TTC28: variants seen among roughly 807,000 people sequenced by gnomAD.
TTC28 encodes the protein tetratricopeptide repeat domain 28.
Under a neutral mutation model 198.0 loss-of-function variants are expected in TTC28, and 61 were observed. That is an observed-to-expected ratio of 0.31 (90% CI 0.25 to 0.38). TTC28 has a LOEUF of 0.38. TTC28 is among the 10% of genes least tolerant of loss of function. The pLI is 1.00. For synonymous variants in TTC28, 1,171 were observed against 1,297.8 expected (o/e 0.90, Z 2.10); for missense variants, 2,678 against 3,164.0 (o/e 0.85, Z 3.69).
intron 12 of TTC28, among the ~76,000 whole-genome samples, chr22:28,083,293 C>T (rs1011191321): frequency 2.0e-5 from 3 of 151,954 alleles, no homozygotes; most frequent in African/African-American, 4.8e-5. Flanking sequence ...TTACAGGGTA[C>T]ATTTAGAGAG....
At chr22:28,628,263 T>C (rs1220317306) in intron 2 of TTC28, among the ~76,000 whole-genome samples, 2 of 152,186 alleles carry the variant, frequency 1.3e-5, no homozygotes, top group African/African-American at 2.4e-5. Flanking sequence ...CATTAACCTT[T>C]GTTAATGGGA....
chr22:28,193,618 A>C (rs1479851991), intron 5 of TTC28, among the ~76,000 whole-genome samples: 2 of 152,340 alleles, frequency 1.3e-5, no homozygotes, highest in Admixed American at 1.3e-4. Flanking sequence ...GAAAACAAAA[A>C]AAGGCAGGGG....
chr22:28,596,165 T>G (rs117487451), intron 2 of TTC28, among the ~76,000 whole-genome samples: 27 of 152,314 alleles, frequency 1.8e-4, no homozygotes, highest in Admixed American at 1.2e-3. Flanking sequence ...ATCTCTGAAT[T>G]GTAAGAAAAC....
chr22:28,420,886 C>T (rs573791770), intron 2 of TTC28, among the ~76,000 whole-genome samples: 1 of 152,242 alleles, frequency 6.6e-6, no homozygotes, highest in South Asian at 2.1e-4. Context: ...CAGGTGTGAG[C>T]CATTGCACCC....
rs147879545 is a variant in TTC28 at position 28,210,512 on chromosome 22, C to T, written c.934-46913G>A. On this transcript the variant is annotated intron_variant, in intron 5 of 22. Transcript: ENST00000397906. ...CACATACACAAGCTTCAGCAGCCGA[C>T]TCAATCAAGTGGAAGAAAGGGTATC... Among the ~76,000 whole-genome samples, 656 of 152,084 alleles carry T rather than the reference C, an allele frequency of 4.3e-3. 1 individual carries two copies. The highest frequency in any genetic ancestry group is 7.6e-3 in the Non-Finnish European group (518 of 67,992).
intron 2 of TTC28, among the ~76,000 whole-genome samples, chr22:28,478,924 C>T (rs1472936779): frequency 6.6e-6 from 1 of 152,206 alleles, no homozygotes; most frequent in Non-Finnish European, 1.5e-5. Flanking sequence ...GGACTTAGCA[C>T]TATCTAAAAT....
At chr22:28,057,013 C>A (rs1940317779) in intron 12 of TTC28, among the ~76,000 whole-genome samples, 1 of 152,166 alleles carries the variant, frequency 6.6e-6, no homozygotes, top group Non-Finnish European at 1.5e-5. Flanking sequence ...CATTGTATAA[C>A]CATAGCACAG....
rs533784665 is a variant in TTC28 at position 28,582,145 on chromosome 22, T to C, written c.381+47407A>G. 4.6e-5 allele frequency among the ~76,000 whole-genome samples: 7 copies of C among 152,220 alleles called. No individual in the cohort carries two copies. The South Asian group carries it at 1.5e-3, about 32-fold the overall frequency. ...TTCAAATTTATCTTACCAGAATATA[T>C]TGGGATGATTAACTGACCAAGCTCT... is the stretch of plus-strand genomic sequence containing the variant. On this transcript the variant is annotated intron_variant, in intron 2 of 22. Coordinates refer to ENST00000397906, the MANE Select transcript of TTC28 (RefSeq NM_001145418.2).
intron 9 of TTC28, among the ~76,000 whole-genome samples, chr22:28,100,490 A>G (rs1942110070): frequency 6.6e-6 from 1 of 152,230 alleles, no homozygotes; most frequent in Non-Finnish European, 1.5e-5. Flanking sequence ...AATCATTTTA[A>G]AAGTACAGTA....
At chr22:28,662,473 C>A (rs1261265290) in intron 1 of TTC28, among the ~76,000 whole-genome samples, 1 of 152,166 alleles carries the variant, frequency 6.6e-6, no homozygotes, top group Non-Finnish European at 1.5e-5. Context: ...ACACTTGTCT[C>A]ATATGTAAGA....
In TTC28 at chr22:28,287,861, G is replaced by C. The variant is rs1003071184; in HGVS notation, c.933+8337C>G. Among the ~76,000 whole-genome samples the C allele has an allele frequency of 3.3e-5, 5 of 152,138 alleles. No individual in the cohort carries two copies. The East Asian group carries it at 9.6e-4, about 29-fold the overall frequency. ...CTAGATCAAGAAGAAACTAGAATCAGGGCAGGGTTAAAACAGGGCTTCACA... is the reference window on the plus strand; with the variant it reads ...CTAGATCAAGAAGAAACTAGAATCACGGCAGGGTTAAAACAGGGCTTCACA... On this transcript the variant is annotated intron_variant, in intron 5 of 22. Transcript: ENST00000397906.
At chr22:28,592,941 T>C (rs1165438627) in intron 2 of TTC28, among the ~76,000 whole-genome samples, 2 of 152,212 alleles carry the variant, frequency 1.3e-5, no homozygotes, top group Admixed American at 6.5e-5. Context: ...AGGTCTCCTC[T>C]ATATTTCCCA....
chr22:28,125,310 C>T (rs1246899027), intron 6 of TTC28, among the ~76,000 whole-genome samples: 1 of 152,192 alleles, frequency 6.6e-6, no homozygotes, highest in Non-Finnish European at 1.5e-5. Flanking sequence ...ATTTATTAAT[C>T]TCTGTTGGCT....
chr22:28,090,993 A>G (rs1941795949), intron 12 of TTC28, among the ~76,000 whole-genome samples: 1 of 152,234 alleles, frequency 6.6e-6, no homozygotes, highest in South Asian at 2.1e-4. Flanking sequence ...GCAGCCCAAC[A>G]AAGTGATGCT....
At chr22:28,253,638 T>C (rs1424312005) in intron 5 of TTC28, among the ~76,000 whole-genome samples, 1 of 152,108 alleles carries the variant, frequency 6.6e-6, no homozygotes, top group Admixed American at 6.5e-5. Flanking sequence ...TAGGAACAGG[T>C]AGAAGATTAC....
chr22:28,644,719 A>T (rs1221266762), intron 1 of TTC28, among the ~76,000 whole-genome samples: 1 of 151,982 alleles, frequency 6.6e-6, no homozygotes, highest in African/African-American at 2.4e-5. Flanking sequence ...GCTACTTGGG[A>T]GGCTGAGGTG....
At chr22:28,572,451 A>G (rs923926487) in intron 2 of TTC28, among the ~76,000 whole-genome samples, 1 of 152,218 alleles carries the variant, frequency 6.6e-6, no homozygotes, top group African/African-American at 2.4e-5. Context: ...TGAATTCTAT[A>G]AAGGATTGAA....
chr22:28,380,151 G>A (rs1245706767), intron 2 of TTC28, among the ~76,000 whole-genome samples: 1 of 150,922 alleles, frequency 6.6e-6, no homozygotes, highest in Admixed American at 6.6e-5. Context: ...AAAATAAAAA[G>A]CTCAAAAAAG....
chr22:28,463,451 G>A (rs978138298), intron 2 of TTC28, among the ~76,000 whole-genome samples: 3 of 152,126 alleles, frequency 2.0e-5, no homozygotes, highest in Non-Finnish European at 2.9e-5. Flanking sequence ...CTACTATAAT[G>A]GCACATGCAC....
Sources: allele counts gnomAD v4.1 joint callset (sites outside exome capture counted in the v4.1 genomes callset), GRCh38; gene constraint gnomAD v4.1.1; transcripts MANE v1.5; gene names NCBI Gene and HGNC (gene_info 2026-07-23, HGNC 2026-07-21).